AKAP8L: variants seen among roughly 807,000 people sequenced by gnomAD.
AKAP8L encodes A-kinase anchoring protein 8 like.
AKAP8L carries 34 observed loss-of-function variants against 77.5 expected under a neutral mutation model. The ratio of observed to expected loss-of-function variants is 0.44; its 90% CI spans 0.33 to 0.58. The LOEUF (loss-of-function observed/expected upper bound fraction) is 0.58. Ranked by LOEUF, AKAP8L falls within the 20% of genes least tolerant of loss-of-function variation. The pLI is 0.02. For missense variants in AKAP8L, 806 were observed against 887.6 expected (o/e 0.91, Z 1.17); for synonymous variants, 342 against 340.7 (o/e 1.00, Z -0.04).
intron 2 of AKAP8L, 103 bp from the exon 3 acceptor site, chr19:15,404,145 C>T: frequency 2.5e-6 from 3 of 1,206,554 alleles, no homozygotes; most frequent in Non-Finnish European, 3.6e-6. Flanking sequence ...TCAGAGCAGG[C>T]TGCACCTCCC....
At chr19:15,405,400 G>A (rs567845533) in intron 2 of AKAP8L, among the ~76,000 whole-genome samples, 61 of 152,136 alleles carry the variant, frequency 4.0e-4, no homozygotes, top group Non-Finnish European at 7.4e-4. Flanking sequence ...AGGCGTGGTG[G>A]TGCACACCTG....
chr19:15,412,956 T>A (rs1968135365), intron 1 of AKAP8L, among the ~76,000 whole-genome samples: 1 of 152,238 alleles, frequency 6.6e-6, no homozygotes, highest in Non-Finnish European at 1.5e-5. Flanking sequence ...AATTAAAGCC[T>A]ATGCCTTTAA....
chr19:15,383,610 C>A (rs528929320), intron 12 of AKAP8L: 2 of 152,292 alleles, frequency 1.3e-5, no homozygotes, highest in East Asian at 3.9e-4. Context: ...ATACTGAGAT[C>A]TTTTGCTAGA....
chr19:15,417,548 A>G (rs1968229353), intron 1 of AKAP8L: 1 of 152,192 alleles, frequency 6.6e-6, no homozygotes, highest in South Asian at 2.1e-4. Flanking sequence ...GCCAGATGTC[A>G]TCTGGGGCAG....
intron 12 of AKAP8L, among the ~76,000 whole-genome samples, chr19:15,386,629 TATG>T (rs1330717355): frequency 6.6e-6 from 1 of 152,050 alleles, no homozygotes; most frequent in Non-Finnish European, 1.5e-5. Flanking sequence ...AGTTAAGGGG[TATG>T]ATATCTTCCC....
chr19:15,397,341 C>G lies in AKAP8L; in HGVS notation c.1406-61G>C. 1.9e-6 allele frequency: 3 copies of G among 1,595,736 alleles called. No individual in the cohort carries two copies. The highest frequency in any genetic ancestry group is 1.7e-5 in the Admixed American group (1 of 57,964). On this transcript the variant is annotated intron_variant, in intron 11 of 13. Coordinates refer to ENST00000397410, the MANE Select transcript of AKAP8L (RefSeq NM_014371.4). This position sits in a 1 kb window ranked among gnomAD's most constrained non-coding sequence, Gnocchi z 4.7. ...GGTGCCTAAGATAGACCCAGGTGTTCGAGAAAAAAACCACACCAGCTCCTC... is the reference window on the plus strand; with the variant it reads ...GGTGCCTAAGATAGACCCAGGTGTTGGAGAAAAAAACCACACCAGCTCCTC...
At chr19:15,382,441 C>T (rs1482554122) in intron 12 of AKAP8L, among the ~76,000 whole-genome samples, 4 of 152,010 alleles carry the variant, frequency 2.6e-5, no homozygotes, top group African/African-American at 9.7e-5. Flanking sequence ...GAGCTCAGGA[C>T]CTCCACCCAT....
rs1967792207 is a variant in AKAP8L at position 15,397,129 on chromosome 19, G to A, written c.1536+21C>T. On this transcript the variant is annotated intron_variant, in intron 12 of 13. Coordinates refer to ENST00000397410, the MANE Select transcript of AKAP8L (RefSeq NM_014371.4). The surrounding 1 kb of genome is among the most constrained non-coding windows in gnomAD (Gnocchi z 4.7). ...ACTCAATCTACCCACAGGACAGAGG[G>A]AGAGCACTGTGGCCACTCACCCTGC... 3 of 1,613,082 alleles carry A rather than the reference G, an allele frequency of 1.9e-6. No individual in the cohort carries two copies. Among genetic ancestry groups the A allele is most frequent in the African/African-American group, 2.7e-5 (2 of 75,028 alleles).
intron 2 of AKAP8L, 48 bp downstream of exon 2, chr19:15,410,472 G>C (rs1261810959): frequency 3.4e-6 from 5 of 1,492,494 alleles, no homozygotes; most frequent in Middle Eastern, 2.0e-4. Flanking sequence ...AGAAGACAAG[G>C]AACTGCTCTG....
chr19:15,400,248 G>T, intron 8 of AKAP8L, 47 bp downstream of exon 8: 1 of 1,598,878 alleles, frequency 6.3e-7, no homozygotes, highest in South Asian at 1.1e-5. Context: ...CCCACTGTGA[G>T]CCCCTGGAAG....
intron 1 of AKAP8L, among the ~76,000 whole-genome samples, chr19:15,418,404 G>A (rs1168143382): frequency 6.6e-6 from 1 of 152,178 alleles, no homozygotes; most frequent in African/African-American, 2.4e-5. Flanking sequence ...TATCCCCCTA[G>A]GGCCTGGCGC....
intron 2 of AKAP8L, among the ~76,000 whole-genome samples, chr19:15,407,193 T>C (rs1388937632): frequency 1.3e-5 from 2 of 151,960 alleles, no homozygotes; most frequent in East Asian, 3.9e-4. Context: ...GAGGTGGAGG[T>C]TGCAGTGAGC....
intron 12 of AKAP8L, among the ~76,000 whole-genome samples, chr19:15,396,681 G>T (rs1482770640): frequency 6.6e-6 from 1 of 152,012 alleles, no homozygotes; most frequent in African/African-American, 2.4e-5. Context: ...GGAGACTGCA[G>T]GAGCTCCTCC....
Position 15,401,480 on chromosome 19 carries a change from A to G in AKAP8L, c.486T>C (p.Asp162=). 1 of 1,613,816 alleles carries G rather than the reference A, an allele frequency of 6.2e-7. No homozygotes were observed. Among genetic ancestry groups the G allele is most frequent in the Non-Finnish European group, 8.5e-7 (1 of 1,179,882 alleles). The change falls in exon 5 of 14, where the codon GAT becomes GAC. Residue 162 remains aspartate, a synonymous_variant. Coordinates refer to ENST00000397410, the MANE Select transcript of AKAP8L (RefSeq NM_014371.4). The surrounding 1 kb of genome is among the most constrained non-coding windows in gnomAD (Gnocchi z 6.2). ...GCATGCGGAACTGGTCGCGGTAGGC[A>G]TCGTATTGGCCCTCATAGGCCATTT... ...EMEMAYEGQY[D]AYRDQFRMRG... is the part of the protein sequence containing the mutation.
At chr19:15,404,496 C>T (rs1400848273) in intron 2 of AKAP8L, among the ~76,000 whole-genome samples, 4 of 152,220 alleles carry the variant, frequency 2.6e-5, no homozygotes, top group African/African-American at 4.8e-5. Flanking sequence ...AGCAACCCCT[C>T]GCTTGAGAAA....
chr19:15,416,087 A>G (rs1968202613), intron 1 of AKAP8L, among the ~76,000 whole-genome samples: 1 of 151,978 alleles, frequency 6.6e-6, no homozygotes, highest in Non-Finnish European at 1.5e-5. Flanking sequence ...TCGGCCTCCC[A>G]AAGTGTTGTG....
chr19:15,400,920 C>A lies in AKAP8L; in HGVS notation c.913+27G>T, dbSNP rs751845400. 6 of 1,613,844 alleles carry A rather than the reference C, an allele frequency of 3.7e-6. No individual in the cohort carries two copies. In the South Asian group the frequency reaches 5.5e-5, roughly 15 times the overall value. Reference sequence around the variant, plus strand: ...AGGAGTTCCCAGAGGCAGGGGGCAGCCGCCCAGTACCACCTAGTGGGCTCA... The same window carrying A: ...AGGAGTTCCCAGAGGCAGGGGGCAGACGCCCAGTACCACCTAGTGGGCTCA... On this transcript the variant is annotated intron_variant, in intron 6 of 13. Transcript: ENST00000397410.
chr19:15,396,072 C>T (rs1397706963), intron 12 of AKAP8L, among the ~76,000 whole-genome samples: 1 of 151,776 alleles, frequency 6.6e-6, no homozygotes, highest in African/African-American at 2.4e-5. Flanking sequence ...CCTTTTCTTC[C>T]CAGAACTCTT....
chr19:15,387,700 C>T (rs775733258), intron 12 of AKAP8L, among the ~76,000 whole-genome samples: 2 of 152,180 alleles, frequency 1.3e-5, no homozygotes, highest in Non-Finnish European at 2.9e-5. Flanking sequence ...GTGGCTGACG[C>T]CTGTAATCCC....
Sources: gnomAD v4.1 joint callset for allele counts (sites outside exome capture counted in the v4.1 genomes callset) on GRCh38, gnomAD v4.1.1 for gene constraint, Gnocchi (gnomAD v3.1) non-coding constraint, MANE v1.5 for transcripts, NCBI Gene and HGNC (gene_info 2026-07-23, HGNC 2026-07-21) for gene names.